Variants in DCDC1 observed in about 807,000 individuals in gnomAD.
DCDC1 encodes doublecortin domain containing 1.
In DCDC1, 200 loss-of-function variants were observed where a neutral mutation model predicts 178.3. That is an observed-to-expected ratio of 1.12 (90% CI 1.00 to 1.26). The LOEUF (loss-of-function observed/expected upper bound fraction) is 1.26, where lower values mean the gene tolerates loss of function less well. Among genes scored for constraint, DCDC1 ranks in the 50% most tolerant of loss-of-function variants. The pLI is 0.00. For synonymous variants in DCDC1, 690 were observed against 604.8 expected, an observed-to-expected ratio of 1.14 and a Z score of -2.07; for missense variants, 1,983 against 1,749.2, an observed-to-expected ratio of 1.13 and a Z score of -2.38.
At chr11:31,301,147 A>G (rs1379071922) in intron 6 of DCDC1, among the ~76,000 whole-genome samples, 1 of 152,254 alleles carries the variant, frequency 6.6e-6, no homozygotes, top group Non-Finnish European at 1.5e-5. Context: ...GAAATAGAAG[A>G]ATCATATGCT....
intron 8 of DCDC1, among the ~76,000 whole-genome samples, chr11:31,260,696 G>A (rs890169533): frequency 1.2e-4 from 19 of 152,176 alleles, no homozygotes; most frequent in Non-Finnish European, 1.2e-4. Context: ...AACAGACTAA[G>A]GATCTCCTCC....
At chr11:30,941,227 T>C (rs1947620566) in intron 21 of DCDC1, among the ~76,000 whole-genome samples, 1 of 152,196 alleles carries the variant, frequency 6.6e-6, no homozygotes, top group African/African-American at 2.4e-5. Flanking sequence ...TTCCTGTTTC[T>C]ACCTCAGCCC....
At chr11:31,148,847 C>T (rs572404657) in intron 9 of DCDC1, among the ~76,000 whole-genome samples, 3 of 152,192 alleles carry the variant, frequency 2.0e-5, no homozygotes, top group African/African-American at 7.2e-5. Context: ...ACCTGTCACC[C>T]AAGCAGTATA....
intron 21 of DCDC1, among the ~76,000 whole-genome samples, chr11:30,934,270 G>T (rs530400681): frequency 2.0e-5 from 3 of 152,288 alleles, no homozygotes; most frequent in South Asian, 2.1e-4. Context: ...GGGATCAAAA[G>T]AATTTGTCAA....
At chr11:31,326,327 AAGC>A (rs1442273045) in intron 3 of DCDC1, among the ~76,000 whole-genome samples, 1 of 152,196 alleles carries the variant, frequency 6.6e-6, no homozygotes, top group African/African-American at 2.4e-5. Flanking sequence ...AATAGGAAAA[AAGC>A]AGGAACAGAG....
chr11:30,906,824 C>A (rs1945098756), intron 29 of DCDC1, 99 bp from the exon 30 acceptor site: 2 of 1,033,494 alleles, frequency 1.9e-6, no homozygotes, highest in South Asian at 3.5e-5. Context: ...CTTTTAACAC[C>A]CCAAAATGCT....
Position 30,894,300 on chromosome 11 carries a change from G to A in DCDC1, c.4850C>T (p.Thr1617Ile), listed in dbSNP as rs765615532. 1 of 1,613,764 alleles carries A rather than the reference G, an allele frequency of 6.2e-7. No homozygotes were observed. Among genetic ancestry groups the A allele is most frequent in the Admixed American group, 1.7e-5 (1 of 60,000 alleles). ...VQPVVVEGGW[T>I]EQTQQEIKLM... ...TTTAATTTCCTGTTGAGTCTGTTCG[G>A]TCCAGCCTCCTTCAACCACCACGGG... Residue 1617 changes from threonine (T) to isoleucine (I), a missense_variant, in exon 35 of 39, where the codon ACC becomes ATC. By Grantham distance (89) the Thr-to-Ile change is moderately conservative (BLOSUM62 -1). Coordinates refer to ENST00000684477, the MANE Select transcript of DCDC1 (RefSeq NM_001387274.1).
intron 6 of DCDC1, among the ~76,000 whole-genome samples, chr11:31,299,907 G>C (rs1264629145): frequency 6.6e-6 from 1 of 152,062 alleles, no homozygotes; most frequent in African/African-American, 2.4e-5. Flanking sequence ...CGCCAAGCTG[G>C]AGTGCAGTGG....
chr11:31,163,548 G>A (rs1289128434), intron 9 of DCDC1, among the ~76,000 whole-genome samples: 2 of 152,108 alleles, frequency 1.3e-5, no homozygotes, highest in African/African-American at 2.4e-5. Context: ...AGCTTCTGCA[G>A]AGCTACATAC....
intron 21 of DCDC1, chr11:30,943,867 C>G (rs1947828800): frequency 3.4e-6 from 1 of 290,362 alleles, no homozygotes; most frequent in African/African-American, 2.2e-5. Context: ...GCAGCTGTCA[C>G]CACTGAGAGG....
At chr11:31,237,752 C>A (rs550374259) in intron 9 of DCDC1, among the ~76,000 whole-genome samples, 5 of 152,042 alleles carry the variant, frequency 3.3e-5, no homozygotes, top group Non-Finnish European at 5.9e-5. Flanking sequence ...TTGGAGAATA[C>A]TTTGGTTTAT....
intron 9 of DCDC1, among the ~76,000 whole-genome samples, chr11:31,150,594 T>C (rs535156870): frequency 6.6e-6 from 1 of 152,264 alleles, no homozygotes; most frequent in South Asian, 2.1e-4. Flanking sequence ...CTATCTATCT[T>C]TCTATCTGTA....
At chr11:31,200,203 T>A (rs1387338940) in intron 9 of DCDC1, among the ~76,000 whole-genome samples, 1 of 152,068 alleles carries the variant, frequency 6.6e-6, no homozygotes, top group Non-Finnish European at 1.5e-5. Flanking sequence ...TATCTGTAAT[T>A]TATAATACAA....
chr11:31,028,850 A>G (rs572237309), intron 20 of DCDC1, among the ~76,000 whole-genome samples: 1 of 152,194 alleles, frequency 6.6e-6, no homozygotes, highest in South Asian at 2.1e-4. Flanking sequence ...GTGGCAAACT[A>G]AAGGGTTTAG....
intron 20 of DCDC1, among the ~76,000 whole-genome samples, chr11:31,057,828 C>G (rs1409928438): frequency 6.6e-6 from 1 of 152,072 alleles, no homozygotes; most frequent in Non-Finnish European, 1.5e-5. Flanking sequence ...GTGTAATATT[C>G]AAAGTAGTAC....
intron 2 of DCDC1, among the ~76,000 whole-genome samples, chr11:31,330,406 A>G (rs1195870070): frequency 6.6e-6 from 1 of 152,076 alleles, no homozygotes; most frequent in Non-Finnish European, 1.5e-5. Flanking sequence ...GTTTAATTAG[A>G]TCCCGCTTGT....
In DCDC1 at chr11:31,057,700, AT is replaced by A. The variant is rs150091648; in HGVS notation, c.2591+6768del. 8.4e-3 allele frequency among the ~76,000 whole-genome samples: 1,273 copies of A among 152,220 alleles called. 16 individuals are homozygous for A. Among genetic ancestry groups the A allele is most frequent in the African/African-American group, 0.029 (1,219 of 41,534 alleles). Reference sequence around the variant, plus strand: ...AGCAAACTAGCATGGGCCAAGTACAATCAGCTTGGGTCTATCAAGTACATGG... The same window carrying A: ...AGCAAACTAGCATGGGCCAAGTACAACAGCTTGGGTCTATCAAGTACATGG... On this transcript the variant is annotated intron_variant, in intron 20 of 38. Coordinates refer to ENST00000684477, the MANE Select transcript of DCDC1 (RefSeq NM_001387274.1).
chr11:30,880,595 C>T (rs1276658299), intron 37 of DCDC1, among the ~76,000 whole-genome samples: 1 of 152,006 alleles, frequency 6.6e-6, no homozygotes, highest in Non-Finnish European at 1.5e-5. Context: ...TATATCTTTG[C>T]TAATATATAC....
In DCDC1 at chr11:31,332,041, T is replaced by C. The variant is rs1158551238; in HGVS notation, c.-7+3406A>G. On this transcript the variant is annotated intron_variant, in intron 2 of 38. Coordinates refer to ENST00000684477, the MANE Select transcript of DCDC1 (RefSeq NM_001387274.1). ...TTTTTGGTTGGTGGGCTATTAATTA[T>C]TGCCTCAATTTGAGAGCCTGTTATT... 5.9e-5 allele frequency among the ~76,000 whole-genome samples: 9 copies of C among 152,196 alleles called. No homozygotes were observed. The East Asian group carries it at 1.7e-3, about 29-fold the overall frequency.
Sources: gnomAD v4.1 joint callset for allele counts (sites outside exome capture counted in the v4.1 genomes callset) on GRCh38, gnomAD v4.1.1 for gene constraint, MANE v1.5 for transcripts, NCBI Gene and HGNC (gene_info 2026-07-23, HGNC 2026-07-21) for gene names.